RTN4: variants seen among roughly 807,000 people sequenced by gnomAD.
RTN4 encodes the protein reticulon-4.
A neutral mutation model predicts 90.4 loss-of-function variants in RTN4; 32 were observed. The observed-to-expected ratio is 0.35, with a 90% CI of 0.27 to 0.48. The LOEUF (loss-of-function observed/expected upper bound fraction) is 0.48. RTN4 is among the 20% of genes least tolerant of loss of function. RTN4 has a pLI of 0.99. For missense variants in RTN4, 1,706 were observed against 1,430.2 expected, an observed-to-expected ratio of 1.19 and a Z score of -3.11; for synonymous variants, 629 against 552.5, an observed-to-expected ratio of 1.14 and a Z score of -1.94.
In RTN4 at chr2:55,050,296, T is replaced by C. The variant is rs891842667; in HGVS notation, c.5A>G (p.Glu2Gly). 2.1e-6 allele frequency: 3 copies of C among 1,434,682 alleles called. No homozygotes were observed. Among genetic ancestry groups the C allele is most frequent in the Non-Finnish European group, 2.7e-6 (3 of 1,093,442 alleles). The allele number at this position is 1,434,682 out of a possible 1,614,324, so 88.9% of individuals were successfully genotyped here. A position where few individuals can be genotyped will look rare whatever the true frequency, so the allele number is the denominator to read the frequency against. Residue 2 changes from glutamate (E) to glycine (G), a missense_variant, in exon 1 of 9, where the codon GAA (glutamate) becomes GGA (glycine). Coordinates refer to ENST00000337526, the MANE Select transcript of RTN4 (RefSeq NM_020532.5). The surrounding 1 kb of genome is among the most constrained non-coding windows in gnomAD (Gnocchi z 4.6). The part of the protein sequence containing the change: M[E>G]DLDQSPLVSS... ...GACCAGAGGAGACTGGTCCAGGTCT[T>C]CCATGGCTGGAGGGTGGAGATGATG...
intron 3 of RTN4, among the ~76,000 whole-genome samples, chr2:55,023,561 T>C (rs1404910434): frequency 6.6e-6 from 1 of 152,056 alleles, no homozygotes; most frequent in African/African-American, 2.4e-5. Flanking sequence ...TTCTTCCACC[T>C]GAACTAGGCA....
Position 55,025,879 on chromosome 2 carries a change from A to G in RTN4, c.2220T>C (p.Pro740=), listed in dbSNP as rs200085728. 5.5e-5 allele frequency: 88 copies of G among 1,613,704 alleles called. No individual in the cohort carries two copies. The highest frequency in any genetic ancestry group is 7.4e-5 in the Non-Finnish European group (87 of 1,179,854). The change falls in exon 3 of 9, where the codon CCT becomes CCC. Residue 740 remains proline, a synonymous_variant. Coordinates refer to ENST00000337526, the MANE Select transcript of RTN4 (RefSeq NM_020532.5). ...DHSELVEDSS[P]DSEPVDLFSD... ...TAAATAAGTCAACTGGTTCAGAATC[A>G]GGTGAGGAATCTTCAACTAGCTCAG...
At chr2:55,061,673 C>G (rs1668296597) in intron 2 of RTN4, among the ~76,000 whole-genome samples, 1 of 152,180 alleles carries the variant, frequency 6.6e-6, no homozygotes, top group African/African-American at 2.4e-5. Flanking sequence ...GTCAAGGTAC[C>G]AGTTAGCTTG....
intron 3 of RTN4, among the ~76,000 whole-genome samples, chr2:55,000,857 A>G (rs1679803851): frequency 6.6e-6 from 1 of 152,168 alleles, no homozygotes; most frequent in East Asian, 1.9e-4. Flanking sequence ...TACTAACACT[A>G]CGAGTAGAGT....
chr2:55,033,868 TTTTC>T (rs527444715), intron 1 of RTN4, among the ~76,000 whole-genome samples: 104 of 152,362 alleles, frequency 6.8e-4, no homozygotes, highest in African/African-American at 2.4e-3. Context: ...AACATTTTTC[TTTTC>T]TTTGTGTTAG....
At chr2:55,110,815 C>T (rs764507501) in intron 1 of RTN4, among the ~76,000 whole-genome samples, 24 of 152,176 alleles carry the variant, frequency 1.6e-4, no homozygotes, top group Non-Finnish European at 2.8e-4. Flanking sequence ...CCAAGGCAGG[C>T]AGGTCGCCTG....
upstream of RTN4, among the ~76,000 whole-genome samples, chr2:55,054,499 G>T (rs542934286): frequency 3.9e-5 from 6 of 152,274 alleles, no homozygotes; most frequent in East Asian, 1.2e-3. Context: ...TACCTTATTT[G>T]CAGAATGCTA....
chr2:55,071,905 A>T (rs1668521013), intron 2 of RTN4, among the ~76,000 whole-genome samples: 1 of 152,156 alleles, frequency 6.6e-6, no homozygotes, highest in Non-Finnish European at 1.5e-5. Context: ...GAATTTTGGA[A>T]CCCCAAAGAG....
intron 1 of RTN4, among the ~76,000 whole-genome samples, chr2:55,033,185 G>A (rs955055374): frequency 1.3e-5 from 2 of 151,920 alleles, no homozygotes; most frequent in Non-Finnish European, 2.9e-5. Flanking sequence ...CACACCATAA[G>A]GGTCAAACTG....
At chr2:55,097,361 GT>G (rs1667761559) in intron 1 of RTN4, among the ~76,000 whole-genome samples, 1 of 151,960 alleles carries the variant, frequency 6.6e-6, no homozygotes, top group South Asian at 2.1e-4. Context: ...AATTTCTGGG[GT>G]TGGGGGGAAA....
intron 3 of RTN4, among the ~76,000 whole-genome samples, chr2:55,016,274 A>G (rs1300585085): frequency 6.6e-6 from 1 of 152,194 alleles, no homozygotes; most frequent in Non-Finnish European, 1.5e-5. Context: ...ATAAAACACT[A>G]TTACATTCTT....
chr2:55,050,393 G>C lies in RTN4; in HGVS notation c.-93C>G, dbSNP rs973849501. 17 of 739,666 alleles carry C rather than the reference G, an allele frequency of 2.3e-5. No homozygotes were observed. Among genetic ancestry groups the C allele is most frequent in the South Asian group, 1.1e-4 (4 of 37,794 alleles). The allele number at this position is 739,666 out of a possible 1,614,324, so 45.8% of individuals were successfully genotyped here. On this transcript the variant is annotated 5_prime_UTR_variant, in exon 1 of 9. Coordinates refer to ENST00000337526, the MANE Select transcript of RTN4 (RefSeq NM_020532.5). The surrounding 1 kb of genome is among the most constrained non-coding windows in gnomAD (Gnocchi z 4.6). ...GCGGTTGTGGGGGTTGGGGAGGACTGAGAGGGGCTGGGCCGACTGAGCCGA... is the reference window on the plus strand; with the variant it reads ...GCGGTTGTGGGGGTTGGGGAGGACTCAGAGGGGCTGGGCCGACTGAGCCGA...
chr2:54,979,066 T>C (rs1045604577), intron 5 of RTN4, among the ~76,000 whole-genome samples: 7 of 151,968 alleles, frequency 4.6e-5, no homozygotes, highest in African/African-American at 1.7e-4. Flanking sequence ...TTTTTTTTTT[T>C]TTAAACAGAC....
chr2:55,039,514 C>A (rs1037051472), intron 1 of RTN4, among the ~76,000 whole-genome samples: 6 of 152,164 alleles, frequency 3.9e-5, no homozygotes, highest in Non-Finnish European at 7.4e-5. Flanking sequence ...TGAGGCCAGG[C>A]GCGCTCGCTC....
intron 2 of RTN4, among the ~76,000 whole-genome samples, chr2:55,059,566 G>A (rs952306190): frequency 3.3e-5 from 5 of 151,994 alleles, no homozygotes. Flanking sequence ...GGGCACAGTG[G>A]CTCATGCTTA....
intron 1 of RTN4, among the ~76,000 whole-genome samples, chr2:55,028,581 T>C (rs531259354): frequency 1.3e-4 from 20 of 152,318 alleles, no homozygotes; most frequent in South Asian, 2.1e-4. Flanking sequence ...TCTTGTTCTA[T>C]TCAGGCCAAA....
chr2:54,984,140 C>T (rs1181195236), intron 4 of RTN4, among the ~76,000 whole-genome samples: 1 of 152,178 alleles, frequency 6.6e-6, no homozygotes, highest in African/African-American at 2.4e-5. Flanking sequence ...AAATCTCACC[C>T]ATACATAGAG....
rs946483078 is a variant in RTN4, at chr2:55,010,218, C to T, written c.3013+14868G>A. 6 of 1,590,316 alleles carry T rather than the reference C, an allele frequency of 3.8e-6. No individual in the cohort carries two copies. In the African/African-American group the frequency reaches 4.1e-5, roughly 11 times the overall value. On this transcript the variant is annotated intron_variant, in intron 3 of 8. Coordinates refer to ENST00000337526, the MANE Select transcript of RTN4 (RefSeq NM_020532.5). The stretch of plus-strand genomic sequence containing the variant: ...ACCTACTCCCTGAGACATGAAATAC[C>T]CGTTTCCTCAACCGAAGTCTGCAGT...
intron 1 of RTN4, among the ~76,000 whole-genome samples, chr2:55,043,949 C>T (rs1269789160): frequency 6.6e-6 from 1 of 151,932 alleles, no homozygotes; most frequent in East Asian, 1.9e-4. Context: ...TGGCTCACGC[C>T]TGTAAACCCA....
Sources: allele counts gnomAD v4.1 joint callset (sites outside exome capture counted in the v4.1 genomes callset), GRCh38; gene constraint gnomAD v4.1.1; non-coding constraint Gnocchi (gnomAD v3.1); transcripts MANE v1.5; gene names NCBI Gene and HGNC (gene_info 2026-07-23, HGNC 2026-07-21).